CAMK1: variants seen among roughly 807,000 people sequenced by gnomAD.
CAMK1 encodes the protein calcium/calmodulin dependent protein kinase I.
In CAMK1, 39 loss-of-function variants were observed where a neutral mutation model predicts 49.1. The ratio of observed to expected loss-of-function variants is 0.79; its 90% confidence interval spans 0.62 to 1.04. The LOEUF (loss-of-function observed/expected upper bound fraction) is 1.04, where lower values mean the gene tolerates loss of function less well. Among genes scored for constraint, CAMK1 ranks in the 50% least tolerant of loss-of-function variants. The pLI, the probability that CAMK1 is intolerant of heterozygous loss-of-function variation, is 0.00. For synonymous variants in CAMK1, 192 were observed against 185.2 expected (o/e 1.04, Z -0.30); for missense variants, 457 against 472.2 (o/e 0.97, Z 0.30).
chr3:9,761,402 G>A (rs762195493), intron 7 of CAMK1, 59 bp downstream of exon 7: 55 of 1,542,778 alleles, frequency 3.6e-5, no homozygotes, highest in Non-Finnish European at 4.5e-5. Flanking sequence ...AGGAAGAGAG[G>A]AAAGTAGGCG....
chr3:9,769,080 G>A (rs202181244), intron 1 of CAMK1, among the ~76,000 whole-genome samples: 1 of 151,830 alleles, frequency 6.6e-6, no homozygotes, highest in African/African-American at 2.4e-5. Context: ...CGTGACACCT[G>A]ATCATACATG....
At chr3:9,759,851 C>CA (rs752016705) in intron 8 of CAMK1, 101 bp from the exon 9 acceptor site, 1 of 1,600,948 alleles carries the variant, frequency 6.2e-7, no homozygotes. Context: ...GGCATCAAGA[C>CA]AAAGAGGCCA....
intron 2 of CAMK1, 77 bp from the exon 3 acceptor site, chr3:9,765,967 G>A (rs890493476): frequency 1.2e-6 from 2 of 1,614,026 alleles, no homozygotes; most frequent in African/African-American, 1.3e-5. Context: ...TTCCCTATGG[G>A]TTCTGTGACC....
chr3:9,767,649 A>G lies in CAMK1; in HGVS notation c.83+18T>C, dbSNP rs2078190536. On this transcript the variant is annotated intron_variant, in intron 2 of 11. Coordinates refer to ENST00000256460, the MANE Select transcript of CAMK1 (RefSeq NM_003656.5). ...GCCTCCCTCAGCCATCCAGCACCCA[A>G]TCCTGCCCTGGACTCACGTGCCCAG... 1 of 1,613,102 alleles carries G rather than the reference A, an allele frequency of 6.2e-7. No individual in the cohort carries two copies. The highest frequency in any genetic ancestry group is 1.1e-5 in the South Asian group (1 of 90,978).
At chr3:9,768,837 G>T (rs924313685) in intron 1 of CAMK1, among the ~76,000 whole-genome samples, 2 of 152,176 alleles carry the variant, frequency 1.3e-5, no homozygotes, top group African/African-American at 4.8e-5. Context: ...TCCTGGAACA[G>T]GACCTTTTTC....
intron 3 of CAMK1, among the ~76,000 whole-genome samples, chr3:9,764,130 G>A (rs1003490200): frequency 6.6e-6 from 1 of 152,172 alleles, no homozygotes; most frequent in Non-Finnish European, 1.5e-5. Context: ...TAGATTTAAT[G>A]TAACCTCTCT....
intron 2 of CAMK1, chr3:9,766,283 A>T (rs1444352278): frequency 2.8e-6 from 2 of 702,056 alleles, no homozygotes; most frequent in Admixed American, 2.0e-5. Context: ...TCCTGATAAC[A>T]TTATGTGGCC....
chr3:9,760,687 G>A lies in CAMK1; in HGVS notation c.714C>T (p.Asp238=). ...CAGAGATGTCGTCCCAGTAAGGAGA[G>A]TCAAACTCGTACTCGGCCTTCAAAA... ...EQILKAEYEF[D]SPYWDDISDS... is the part of the protein sequence containing the mutation. Residue 238 remains aspartate (D), a synonymous_variant, in exon 8 of 12, where the codon GAC becomes GAT. Transcript: ENST00000256460. 6.2e-7 allele frequency: 1 copy of A among 1,614,068 alleles called. No homozygotes were observed. Among genetic ancestry groups the A allele is most frequent in the Non-Finnish European group, 8.5e-7 (1 of 1,179,994 alleles).
At chr3:9,767,551 G>A in intron 2 of CAMK1, 116 bp downstream of exon 2, 4 of 1,352,100 alleles carry the variant, frequency 3.0e-6, no homozygotes, top group Non-Finnish European at 4.2e-6. Flanking sequence ...GCCCTAGATA[G>A]TGCTGCCACA....
intron 3 of CAMK1, among the ~76,000 whole-genome samples, chr3:9,764,667 T>C (rs914983481): frequency 1.4e-5 from 2 of 143,838 alleles, no homozygotes; most frequent in Non-Finnish European, 3.0e-5. Context: ...TTGCTCTTGT[T>C]GCCTAGGCTG....
chr3:9,769,005 C>T lies in CAMK1; in HGVS notation c.-33+827G>A, dbSNP rs56778564. On this transcript the variant is annotated intron_variant, in intron 1 of 11. Coordinates refer to ENST00000256460, the MANE Select transcript of CAMK1 (RefSeq NM_003656.5). ...CCTGTAGCAGACATGCCACACCAAG[C>T]CCCCTCCACAGCCCTGAACTCAAAC... is the stretch of plus-strand genomic sequence containing the variant. Among the ~76,000 whole-genome samples, 649 of 152,154 alleles carry T rather than the reference C, an allele frequency of 4.3e-3. 4 individuals are homozygous for T. Among genetic ancestry groups the T allele is most frequent in the African/African-American group, 0.015 (624 of 41,492 alleles).
chr3:9,769,071 G>T (rs1436434027), intron 1 of CAMK1, among the ~76,000 whole-genome samples: 1 of 151,746 alleles, frequency 6.6e-6, no homozygotes. Context: ...TCCACATCCC[G>T]TGACACCTGA....
Position 9,763,173 on chromosome 3 carries a change from C to T in CAMK1, c.256G>A (p.Glu86Lys), listed in dbSNP as rs200398091. Residue 86 changes from glutamate to lysine, a missense_variant, in exon 4 of 12, where the codon GAG becomes AAG. Transcript: ENST00000256460. ...PNIVALDDIY[E>K]SGGHLYLIMQ... ...ATGAGGTAGAGGTGGCCCCCACTCT[C>T]ATAGATGTCATCCAGGGCTACAATG... 1.2e-6 allele frequency: 2 copies of T among 1,614,024 alleles called. No individual in the cohort carries two copies. Among genetic ancestry groups the T allele is most frequent in the East Asian group, 4.5e-5 (2 of 44,876 alleles).
Position 9,767,653 on chromosome 3 carries a change from T to C in CAMK1, c.83+14A>G. The C allele has an allele frequency of 6.2e-7, 1 of 1,613,808 alleles. No homozygotes were observed. The highest frequency in any genetic ancestry group is 1.1e-5 in the South Asian group (1 of 91,026). On this transcript the variant is annotated intron_variant, in intron 2 of 11. Transcript: ENST00000256460. ...CCCTCAGCCATCCAGCACCCAATCC[T>C]GCCCTGGACTCACGTGCCCAGAACA...
At chr3:9,759,787 A>G (rs746543515) in intron 8 of CAMK1, 37 bp from the exon 9 acceptor site, 1 of 1,614,046 alleles carries the variant, frequency 6.2e-7, no homozygotes, top group Non-Finnish European at 8.5e-7. Flanking sequence ...TAATGACAGC[A>G]TGGTACTGCC....
intron 3 of CAMK1, among the ~76,000 whole-genome samples, chr3:9,764,374 A>G (rs535023125): frequency 1.1e-4 from 16 of 152,036 alleles, no homozygotes; most frequent in African/African-American, 3.9e-4. Context: ...GTGCAATGGC[A>G]TGATCTTGGC....
intron 10 of CAMK1, chr3:9,758,083 A>G (rs2077672462): frequency 1.9e-6 from 1 of 517,176 alleles, no homozygotes; most frequent in Non-Finnish European, 3.2e-6. Context: ...AAACATAACT[A>G]TAATTCATAT....
At chr3:9,764,628 G>GTTTTTTTTT (rs55972033) in intron 3 of CAMK1, among the ~76,000 whole-genome samples, 1 of 92,326 alleles carries the variant, frequency 1.1e-5, no homozygotes, top group African/African-American at 4.3e-5. Context: ...TTTTTTTTTT[G>GTTTTTTTTT]TTTTTTTTTT....
chr3:9,760,780 G>A lies in CAMK1; in HGVS notation c.633-12C>T, dbSNP rs1003571829. The A allele has an allele frequency of 5.6e-6, 9 of 1,613,920 alleles. No individual in the cohort carries two copies. Among genetic ancestry groups the A allele is most frequent in the Non-Finnish European group, 7.6e-6 (9 of 1,179,860 alleles). ...GGTAACCGCAGAGCCTGGGCAGGGA[G>A]AAACTCATCCTCATTTCCACTTTCG... On this transcript the variant is annotated splice_polypyrimidine_tract_variant and intron_variant, in intron 7 of 11. Transcript: ENST00000256460.
Sources: allele counts gnomAD v4.1 joint callset (sites outside exome capture counted in the v4.1 genomes callset), GRCh38; gene constraint gnomAD v4.1.1; transcripts MANE v1.5; gene names NCBI Gene and HGNC (gene_info 2026-07-23, HGNC 2026-07-21).